Variants in PARD3B observed in about 807,000 individuals in gnomAD.
PARD3B encodes the protein partitioning defective 3 homolog B.
A neutral mutation model predicts 130.2 loss-of-function variants in PARD3B; 103 were observed. That is an observed-to-expected ratio of 0.79 (90% CI 0.67 to 0.93). PARD3B has a LOEUF of 0.93. PARD3B is among the 40% of genes least tolerant of loss of function. The probability of loss-of-function intolerance (pLI) is 0.00; values close to 1 mark genes in which losing one functional copy is unlikely to be tolerated. For missense variants in PARD3B, 1,609 were observed against 1,499.2 expected, an observed-to-expected ratio of 1.07 and a Z score of -1.21; for synonymous variants, 583 against 553.2, an observed-to-expected ratio of 1.05 and a Z score of -0.76.
At chr2:204,702,317 C>G (rs1407022124) in intron 2 of PARD3B, among the ~76,000 whole-genome samples, 8 of 152,138 alleles carry the variant, frequency 5.3e-5, no homozygotes, top group Non-Finnish European at 7.4e-5. Flanking sequence ...GAGAAATTTC[C>G]AGAGTGCTTT....
At chr2:204,585,998 G>A (rs1475395057) in intron 1 of PARD3B, among the ~76,000 whole-genome samples, 1 of 152,086 alleles carries the variant, frequency 6.6e-6, no homozygotes, top group South Asian at 2.1e-4. Flanking sequence ...TGGAATTATA[G>A]TACACTGCAT....
At chr2:205,444,267 G>C (rs1162606955) in intron 20 of PARD3B, among the ~76,000 whole-genome samples, 1 of 152,160 alleles carries the variant, frequency 6.6e-6, no homozygotes, top group African/African-American at 2.4e-5. Context: ...ACAGGCATGA[G>C]CCACCATACC....
chr2:205,052,407 T>TTA (rs1242989293), intron 4 of PARD3B, among the ~76,000 whole-genome samples: 4 of 108,472 alleles, frequency 3.7e-5, no homozygotes, highest in Admixed American at 3.6e-4. Context: ...CATGTGTATT[T>TTA]TATATATATA....
chr2:205,554,129 TG>T (rs1449071582), intron 22 of PARD3B, among the ~76,000 whole-genome samples: 2 of 152,060 alleles, frequency 1.3e-5, no homozygotes, highest in African/African-American at 4.8e-5. Flanking sequence ...TGGAGTTAGG[TG>T]AGGTGAGAGT....
intron 2 of PARD3B, among the ~76,000 whole-genome samples, chr2:204,866,537 G>T (rs1559211763): frequency 6.6e-6 from 1 of 151,768 alleles, no homozygotes; most frequent in Non-Finnish European, 1.5e-5. Flanking sequence ...CTACTTATTA[G>T]GTGCCAGCCC....
chr2:204,848,926 C>T (rs141393406), intron 2 of PARD3B, among the ~76,000 whole-genome samples: 20 of 152,050 alleles, frequency 1.3e-4, no homozygotes, highest in African/African-American at 4.3e-4. Context: ...AAGTTTCTAG[C>T]TTATCAATAA....
intron 3 of PARD3B, among the ~76,000 whole-genome samples, chr2:204,998,426 GTATATATA>G (rs200845524): frequency 4.7e-4 from 15 of 32,122 alleles, no homozygotes; most frequent in Non-Finnish European, 8.1e-4. Flanking sequence ...GTATATATGT[GTATATATA>G]TGTGTGTGTA....
chr2:205,136,161 CA>C (rs2032467377), intron 10 of PARD3B, among the ~76,000 whole-genome samples: 1 of 151,850 alleles, frequency 6.6e-6, no homozygotes, highest in Non-Finnish European at 1.5e-5. Context: ...CCCCACACAC[CA>C]AAAAAAGGAT....
At chr2:204,994,756 G>T (rs1316729194) in intron 3 of PARD3B, among the ~76,000 whole-genome samples, 1 of 144,786 alleles carries the variant, frequency 6.9e-6, no homozygotes, top group Admixed American at 6.9e-5. Context: ...TTATGAATCT[G>T]GGTGCTCCTG....
intron 5 of PARD3B, among the ~76,000 whole-genome samples, chr2:205,107,233 A>G (rs1401720089): frequency 6.6e-6 from 1 of 152,196 alleles, no homozygotes; most frequent in Non-Finnish European, 1.5e-5. Flanking sequence ...GATCCCACAT[A>G]TTACTGTTGG....
intron 19 of PARD3B, among the ~76,000 whole-genome samples, chr2:205,402,575 A>C (rs566205352): frequency 6.6e-6 from 1 of 152,292 alleles, no homozygotes; most frequent in South Asian, 2.1e-4. Flanking sequence ...CAGCTAGAAA[A>C]TTGATAACCC....
At chr2:204,670,837 T>C (rs2036264500) in intron 1 of PARD3B, among the ~76,000 whole-genome samples, 1 of 152,212 alleles carries the variant, frequency 6.6e-6, no homozygotes, top group African/African-American at 2.4e-5. Flanking sequence ...TGCTTAGTTT[T>C]CATTGAATCT....
intron 20 of PARD3B, among the ~76,000 whole-genome samples, chr2:205,472,306 CTT>C (rs1404472173): frequency 3.3e-5 from 5 of 152,154 alleles, no homozygotes; most frequent in African/African-American, 1.2e-4. Flanking sequence ...CACACACACA[CTT>C]TCTCTTTAGT....
chr2:205,098,429 C>A (rs1431696364), intron 4 of PARD3B, among the ~76,000 whole-genome samples: 1 of 152,116 alleles, frequency 6.6e-6, no homozygotes, highest in Non-Finnish European at 1.5e-5. Context: ...ATAGACAGGA[C>A]CGCTATTTCA....
rs1049415948 is a variant in PARD3B, at chr2:205,590,826, C to T, written c.3261-24630C>T. 2.0e-5 allele frequency among the ~76,000 whole-genome samples: 3 copies of T among 152,052 alleles called. No individual in the cohort carries two copies. Among genetic ancestry groups the T allele is most frequent in the Admixed American group, 2.0e-4 (3 of 15,252 alleles). ...ATCCCTAAAAAATGTTCTGTCAAAC[C>T]AGTACACCAAACCCTCTCTGCTTCC... is the stretch of plus-strand genomic sequence containing the variant. On this transcript the variant is annotated intron_variant, in intron 22 of 22. Coordinates refer to ENST00000406610, the MANE Select transcript of PARD3B (RefSeq NM_001302769.2). The surrounding 1 kb of genome is among the most constrained non-coding windows in gnomAD (Gnocchi z 4.1).
chr2:204,970,020 A>G (rs1691564494), intron 3 of PARD3B, among the ~76,000 whole-genome samples: 1 of 152,180 alleles, frequency 6.6e-6, no homozygotes, highest in Admixed American at 6.5e-5. Context: ...TGGATATTTT[A>G]ATAGACTTTC....
At chr2:204,702,306 T>C (rs2037932421) in intron 2 of PARD3B, among the ~76,000 whole-genome samples, 1 of 152,206 alleles carries the variant, frequency 6.6e-6, no homozygotes, top group African/African-American at 2.4e-5. Context: ...TGTAGTTCTT[T>C]GAGAAATTTC....
At chr2:205,394,393 A>G (rs947514499) in intron 18 of PARD3B, among the ~76,000 whole-genome samples, 7 of 152,246 alleles carry the variant, frequency 4.6e-5, no homozygotes, top group Admixed American at 4.6e-4. Context: ...GAATTCCTCT[A>G]CTTTCTCTTT....
intron 2 of PARD3B, among the ~76,000 whole-genome samples, chr2:204,811,016 A>G (rs537198425): frequency 4.5e-4 from 68 of 152,134 alleles, no homozygotes; most frequent in African/African-American, 1.4e-3. Flanking sequence ...CAGGGAATCA[A>G]TTTCTTCTTT....
Sources: gnomAD v4.1 joint callset for allele counts (sites outside exome capture counted in the v4.1 genomes callset) on GRCh38, gnomAD v4.1.1 for gene constraint, Gnocchi (gnomAD v3.1) non-coding constraint, MANE v1.5 for transcripts, NCBI Gene and HGNC (gene_info 2026-07-23, HGNC 2026-07-21) for gene names.